The following MTG2 variants were observed in gnomAD, a reference collection of about 807,000 sequenced individuals.
MTG2 encodes mitochondrial ribosome associated GTPase 2, also known as mitochondrial ribosome-associated GTPase 2.
A neutral mutation model predicts 28.6 loss-of-function variants in MTG2; 23 were observed. That is an observed-to-expected ratio of 0.80 (90% CI 0.58 to 1.14). MTG2 has a LOEUF of 1.14. MTG2 is among the 50% of genes most tolerant of loss of function. The pLI is 0.00. For synonymous variants in MTG2, 260 were observed against 251.8 expected (o/e 1.03, Z -0.31); for missense variants, 539 against 552.0 (o/e 0.98, Z 0.24).
chr20:62,192,957 C>G (rs971860916), intron 1 of MTG2, among the ~76,000 whole-genome samples: 1 of 152,340 alleles, frequency 6.6e-6, no homozygotes, highest in Middle Eastern at 3.4e-3. Flanking sequence ...TTTCCAGAGC[C>G]TGGGTGCTTA....
At chr20:62,191,174 A>T (rs1426798694) in intron 1 of MTG2, among the ~76,000 whole-genome samples, 1 of 152,124 alleles carries the variant, frequency 6.6e-6, no homozygotes, top group Non-Finnish European at 1.5e-5. Context: ...GCTGCCTCCC[A>T]CGTGTCAGGG....
chr20:62,184,620 A>G (rs1451943816), intron 1 of MTG2, among the ~76,000 whole-genome samples: 1 of 152,118 alleles, frequency 6.6e-6, no homozygotes, highest in Non-Finnish European at 1.5e-5. Flanking sequence ...AGGGAGGTCC[A>G]TGTCCCGGCC....
At chr20:62,186,004 C>T (rs970178928) in intron 1 of MTG2, among the ~76,000 whole-genome samples, 3 of 152,206 alleles carry the variant, frequency 2.0e-5, no homozygotes, top group Admixed American at 2.0e-4. Flanking sequence ...GCTTTGCAAC[C>T]TTCTCTGCGG....
intron 6 of MTG2, among the ~76,000 whole-genome samples, chr20:62,199,761 C>G (rs1379650227): frequency 1.6e-5 from 2 of 128,618 alleles, no homozygotes; most frequent in Non-Finnish European, 3.1e-5. Context: ...GTGGTGCGAT[C>G]TCAGCTCACT....
At position 62,197,645 on chromosome 20, in the gene MTG2, A is replaced by C; in HGVS notation, c.353-207A>C. 1.1e-5 allele frequency: 6 copies of C among 553,698 alleles called. No homozygotes were observed. The South Asian group carries it at 1.3e-4, about 12-fold the overall frequency. 34.3% of individuals were successfully genotyped at this position (553,698 alleles called of 1,614,324 possible). On this transcript the variant is annotated intron_variant, in intron 3 of 6. Transcript: ENST00000370823. The stretch of plus-strand genomic sequence containing the variant: ...GCTACTGTAAAAAATAAGAAATTTA[A>C]AAATTTTCAGAAATGATAGCACTTT...
chr20:62,193,534 G>A lies in MTG2; in HGVS notation c.114G>A (p.Arg38=). ...GLKPSRLLPQ[R]ASPRLLSVGR... is the part of the protein sequence containing the mutation. ...AGCCCAGCCGGCTACTGCCACAGCG[G>A]GCTTCTCCCAGGCTGCTCTCGGTCG... The change falls in exon 2 of 7, where the codon CGG becomes CGA. Residue 38 remains arginine (R), a synonymous_variant. Coordinates refer to ENST00000370823, the MANE Select transcript of MTG2 (RefSeq NM_015666.4). The A allele has an allele frequency of 6.2e-7, 1 of 1,614,146 alleles. No homozygotes were observed. The highest frequency in any genetic ancestry group is 8.5e-7 in the Non-Finnish European group (1 of 1,180,044).
chr20:62,192,654 C>T (rs1296821929), intron 1 of MTG2, among the ~76,000 whole-genome samples: 2 of 152,166 alleles, frequency 1.3e-5, no homozygotes, highest in Non-Finnish European at 2.9e-5. Context: ...TCCAGGAGCC[C>T]ACCAAGAGGT....
chr20:62,193,530 A>G lies in MTG2; in HGVS notation c.110A>G (p.Gln37Arg). The G allele has an allele frequency of 1.2e-6, 2 of 1,613,978 alleles. No individual in the cohort carries two copies. ...CTGAAGCCCAGCCGGCTACTGCCAC[A>G]GCGGGCTTCTCCCAGGCTGCTCTCG... is the stretch of plus-strand genomic sequence containing the variant. ...AGLKPSRLLP[Q>R]RASPRLLSVG... Residue 37 changes from glutamine to arginine, a missense_variant, in exon 2 of 7, where the codon CAG (glutamine) becomes CGG (arginine). Transcript: ENST00000370823.
chr20:62,199,042 A>G (rs976070510), intron 5 of MTG2, 77 bp from the exon 6 acceptor site: 82 of 1,596,538 alleles, frequency 5.1e-5, no homozygotes, highest in Non-Finnish European at 6.9e-5. Flanking sequence ...CCTCCCTCCA[A>G]TCCCAGTTAG....
chr20:62,185,081 A>C (rs1168092562), intron 1 of MTG2, among the ~76,000 whole-genome samples: 1 of 151,360 alleles, frequency 6.6e-6, no homozygotes, highest in East Asian at 2.0e-4. Context: ...TTGCTCTCCA[A>C]CCTGGGCTAC....
chr20:62,194,484 C>T (rs1472781058), intron 2 of MTG2, among the ~76,000 whole-genome samples: 1 of 152,194 alleles, frequency 6.6e-6, no homozygotes, highest in Non-Finnish European at 1.5e-5. Flanking sequence ...CTTGCGTTGG[C>T]GCATGACAGC....
At chr20:62,198,142 A>T (rs1231182142) in intron 4 of MTG2, 175 bp downstream of exon 4, 1 of 598,044 alleles carries the variant, frequency 1.7e-6, no homozygotes, top group African/African-American at 1.9e-5. Context: ...CTCAAAGCAA[A>T]CCCAGACGGG....
rs1241924953 is a variant in MTG2 at position 62,202,788 on chromosome 20, GAGA to G, written c.*1714_*1716del. On this transcript the variant is annotated 3_prime_UTR_variant, in exon 7 of 7. Coordinates refer to ENST00000370823, the MANE Select transcript of MTG2 (RefSeq NM_015666.4). ...AAAAAGTGGAGGGGACAAAGAAGCAGAGAAGGATGATCAGAAGGGGACCCCCAG... is the reference window on the plus strand; with the variant it reads ...AAAAAGTGGAGGGGACAAAGAAGCAGAGGATGATCAGAAGGGGACCCCCAG... 1 of 152,412 alleles carries G rather than the reference GAGA, an allele frequency of 6.6e-6. No individual in the cohort carries two copies. The highest frequency in any genetic ancestry group is 1.5e-5 in the Non-Finnish European group (1 of 68,266). 9.4% of individuals were successfully genotyped at this position (152,412 alleles called of 1,614,324 possible).
At chr20:62,191,633 C>A (rs918565501) in intron 1 of MTG2, among the ~76,000 whole-genome samples, 1 of 152,126 alleles carries the variant, frequency 6.6e-6, no homozygotes, top group East Asian at 1.9e-4. Context: ...AGGAGGCAGG[C>A]GGTGTCCCCT....
chr20:62,194,181 T>C (rs1388999802), intron 2 of MTG2: 1 of 152,216 alleles, frequency 6.6e-6, no homozygotes, highest in Non-Finnish European at 1.5e-5. Flanking sequence ...TTATAAGTTT[T>C]TCTTGTTCTA....
chr20:62,203,339 CT>C lies in MTG2; in HGVS notation c.*2265del, dbSNP rs1356050848. The C allele has an allele frequency of 6.6e-6, 1 of 152,268 alleles. No homozygotes were observed. Among genetic ancestry groups the C allele is most frequent in the Non-Finnish European group, 1.5e-5 (1 of 68,062 alleles). The allele number at this position is 152,268 out of a possible 1,614,324, so 9.4% of individuals were successfully genotyped here. A position where few individuals can be genotyped will look rare whatever the true frequency, so the allele number is the denominator to read the frequency against. On this transcript the variant is annotated 3_prime_UTR_variant, in exon 7 of 7. Coordinates refer to ENST00000370823, the MANE Select transcript of MTG2 (RefSeq NM_015666.4). ...TCACTGCCACGAAGGTTGCCCAGAA[CT>C]TTCCTTGCTGCAAAAAGCCCCAAGA...
At chr20:62,183,276 C>T (rs1039928556) in intron 1 of MTG2, among the ~76,000 whole-genome samples, 1 of 152,128 alleles carries the variant, frequency 6.6e-6, no homozygotes, top group African/African-American at 2.4e-5. Flanking sequence ...CGGTGGGGAG[C>T]GGCGCCTTGC....
chr20:62,196,162 T>G (rs989100578), intron 3 of MTG2, among the ~76,000 whole-genome samples: 4 of 135,876 alleles, frequency 2.9e-5, no homozygotes, highest in African/African-American at 1.0e-4. Context: ...TTTGTTTGTT[T>G]TTTTGTTTTT....
rs754478626 is a variant in MTG2 at position 62,200,688 on chromosome 20, G to A, written c.832G>A (p.Asp278Asn). 22 of 1,605,196 alleles carry A rather than the reference G, an allele frequency of 1.4e-5. No individual in the cohort carries two copies. The highest frequency in any genetic ancestry group is 1.8e-5 in the Non-Finnish European group (21 of 1,175,774). The change falls in exon 7 of 7, where the codon GAC becomes AAC. Residue 278 changes from aspartate to asparagine, a missense_variant. Coordinates refer to ENST00000370823, the MANE Select transcript of MTG2 (RefSeq NM_015666.4). Reference sequence around the variant, plus strand: ...TGCCCCTGTCTTCCCTGCAGTGGCCGACATCCCCGGCATCATACGAGGCGC... The same window carrying A: ...TGCCCCTGTCTTCCCTGCAGTGGCCAACATCCCCGGCATCATACGAGGCGC... The part of the protein sequence containing the change: ...YEGHLQIAVA[D>N]IPGIIRGAHQ...
Sources: allele counts gnomAD v4.1 joint callset (sites outside exome capture counted in the v4.1 genomes callset), GRCh38; gene constraint gnomAD v4.1.1; transcripts MANE v1.5; gene names NCBI Gene and HGNC (gene_info 2026-07-23, HGNC 2026-07-21).